Variants in FER observed in about 807,000 individuals in gnomAD.
The protein encoded by FER is tyrosine-protein kinase Fer.
Under a neutral mutation model 111.0 loss-of-function variants are expected in FER, and 63 were observed. That is an observed-to-expected ratio of 0.57 (90% CI 0.46 to 0.70). The LOEUF is 0.70. Ranked by LOEUF, FER falls within the 30% of genes least tolerant of loss-of-function variation. The pLI is 0.00. For synonymous variants in FER, 327 were observed against 313.9 expected (o/e 1.04, Z -0.44); for missense variants, 914 against 954.0 (o/e 0.96, Z 0.55).
At chr5:108,935,392 C>G (rs1755317056) in intron 10 of FER, among the ~76,000 whole-genome samples, 1 of 152,192 alleles carries the variant, frequency 6.6e-6, no homozygotes, top group African/African-American at 2.4e-5. Context: ...TTCTAAGTCT[C>G]TTACGAGGAA....
chr5:108,990,180 A>C (rs1038021609), intron 13 of FER, among the ~76,000 whole-genome samples: 1 of 151,982 alleles, frequency 6.6e-6, no homozygotes, highest in Non-Finnish European at 1.5e-5. Flanking sequence ...TAGTCATTGA[A>C]TTAAAATGCT....
chr5:108,903,170 T>C (rs1750283416), intron 10 of FER, among the ~76,000 whole-genome samples: 1 of 152,178 alleles, frequency 6.6e-6, no homozygotes, highest in South Asian at 2.1e-4. Context: ...TTCTACTTTA[T>C]AAATGTAATT....
intron 10 of FER, among the ~76,000 whole-genome samples, chr5:108,916,339 C>G (rs1561609989): frequency 6.6e-6 from 1 of 152,038 alleles, no homozygotes; most frequent in Non-Finnish European, 1.5e-5. Flanking sequence ...TCTGTACTTA[C>G]TTGATTCATT....
At chr5:108,840,930 A>G (rs752951941) in intron 5 of FER, among the ~76,000 whole-genome samples, 1 of 152,142 alleles carries the variant, frequency 6.6e-6, no homozygotes, top group Non-Finnish European at 1.5e-5. Context: ...CTTCTATCCA[A>G]TGGCTTGGCA....
chr5:109,127,977 A>G (rs764176355), intron 17 of FER, among the ~76,000 whole-genome samples: 4 of 152,158 alleles, frequency 2.6e-5, no homozygotes, highest in Non-Finnish European at 2.9e-5. Flanking sequence ...TTGTTTTTAC[A>G]GTACTGCTTT....
At chr5:108,985,666 T>C (rs1762490113) in intron 13 of FER, among the ~76,000 whole-genome samples, 11 of 152,158 alleles carry the variant, frequency 7.2e-5, no homozygotes, top group Admixed American at 7.2e-4. Flanking sequence ...TAGCTCCCAC[T>C]CATGAGTGAG....
chr5:108,873,651 GC>G (rs1764821973), intron 8 of FER, among the ~76,000 whole-genome samples: 1 of 152,048 alleles, frequency 6.6e-6, no homozygotes, highest in Non-Finnish European at 1.5e-5. Context: ...AGTTTTTCAT[GC>G]CCTATACAGG....
At chr5:109,086,246 G>A (rs1045922726) in intron 16 of FER, among the ~76,000 whole-genome samples, 15 of 150,574 alleles carry the variant, frequency 1.0e-4, no homozygotes, top group African/African-American at 3.2e-4. Flanking sequence ...ATTTTATCTT[G>A]TGTTCACTTT....
rs1750864620 is a variant in FER, at chr5:109,120,761, T to G, written c.2048+20242T>G. On this transcript the variant is annotated intron_variant, in intron 17 of 19. Coordinates refer to ENST00000281092, the MANE Select transcript of FER (RefSeq NM_005246.4). ...TGGAATATTTTTTCATTTTTCGTGT[T>G]CAATTTATTTCACCAATGTTTTATA... is the stretch of plus-strand genomic sequence containing the variant. Among the ~76,000 whole-genome samples the G allele has an allele frequency of 2.0e-5, 3 of 152,090 alleles. No individual in the cohort carries two copies. The South Asian group carries it at 6.2e-4, about 31-fold the overall frequency.
At chr5:109,040,105 C>T (rs373595332) in intron 14 of FER, among the ~76,000 whole-genome samples, 43 of 151,994 alleles carry the variant, frequency 2.8e-4, no homozygotes, top group South Asian at 6.2e-4. Context: ...TTTCAGGGAA[C>T]GAGAAGAGGT....
intron 6 of FER, among the ~76,000 whole-genome samples, 198 bp from the exon 7 acceptor site, chr5:108,871,167 C>A (rs916060617): frequency 1.3e-5 from 2 of 151,990 alleles, no homozygotes; most frequent in African/African-American, 4.8e-5. Flanking sequence ...TGTATTATAA[C>A]AAATATAAAT....
chr5:108,957,744 G>A (rs573999253), intron 12 of FER, among the ~76,000 whole-genome samples: 3 of 151,598 alleles, frequency 2.0e-5, no homozygotes, highest in East Asian at 3.9e-4. Flanking sequence ...TTTGACAATT[G>A]AATGTGTGCC....
chr5:108,754,604 C>A (rs1228104064), intron 1 of FER, among the ~76,000 whole-genome samples: 1 of 151,806 alleles, frequency 6.6e-6, no homozygotes, highest in African/African-American at 2.4e-5. Context: ...TTAATAGAGA[C>A]CTATATTTAA....
At chr5:108,855,519 G>A (rs1762917342) in intron 5 of FER, among the ~76,000 whole-genome samples, 1 of 151,116 alleles carries the variant, frequency 6.6e-6, no homozygotes, top group Non-Finnish European at 1.5e-5. Context: ...TACTCGGGAG[G>A]CTGAGGCAGG....
chr5:109,031,112 C>G (rs1311456127), intron 13 of FER, among the ~76,000 whole-genome samples: 1 of 152,058 alleles, frequency 6.6e-6, no homozygotes, highest in African/African-American at 2.4e-5. Context: ...GAAGGTGGTA[C>G]TGGGCTCATT....
chr5:109,071,151 C>T (rs373285525), intron 16 of FER, among the ~76,000 whole-genome samples: 2 of 151,994 alleles, frequency 1.3e-5, no homozygotes, highest in African/African-American at 4.8e-5. Context: ...TGCCCTCTTT[C>T]GCTTCCAGGT....
chr5:109,071,660 T>G (rs555647666), intron 16 of FER, among the ~76,000 whole-genome samples: 10 of 151,160 alleles, frequency 6.6e-5, no homozygotes, highest in East Asian at 2.0e-4. Context: ...AAATTTTGGG[T>G]TTTTTTTTCC....
At chr5:108,811,281 G>T (rs538092853) in intron 3 of FER, among the ~76,000 whole-genome samples, 25 of 152,252 alleles carry the variant, frequency 1.6e-4, no homozygotes, top group African/African-American at 5.5e-4. Context: ...GATCTGCCTG[G>T]GTATGGAGTG....
chr5:108,754,294 C>T (rs1465063814), intron 1 of FER, among the ~76,000 whole-genome samples: 1 of 151,164 alleles, frequency 6.6e-6, no homozygotes, highest in East Asian at 1.9e-4. Flanking sequence ...GCTTGTACTA[C>T]TACTAAGGTG....
Sources: gnomAD v4.1 joint callset for allele counts (sites outside exome capture counted in the v4.1 genomes callset) on GRCh38, gnomAD v4.1.1 for gene constraint, MANE v1.5 for transcripts, NCBI Gene and HGNC (gene_info 2026-07-23, HGNC 2026-07-21) for gene names.